Variants in SLCO3A1 observed in about 807,000 individuals in gnomAD.
SLCO3A1 encodes solute carrier organic anion transporter family member 3A1, also known as PGE1 transporter.
SLCO3A1 carries 27 observed loss-of-function variants against 63.1 expected under a neutral mutation model. The observed-to-expected ratio is 0.43, with a 90% CI of 0.32 to 0.59. The LOEUF is 0.59. SLCO3A1 is among the 20% of genes least tolerant of loss of function. The probability of loss-of-function intolerance (pLI) is 0.09; values close to 1 mark genes in which losing one functional copy is unlikely to be tolerated. For synonymous variants in SLCO3A1, 473 were observed against 409.9 expected (o/e 1.15, Z -1.86); for missense variants, 773 against 945.8 (o/e 0.82, Z 2.40).
intron 2 of SLCO3A1, among the ~76,000 whole-genome samples, chr15:92,038,538 C>G (rs2151485466): frequency 6.6e-6 from 1 of 152,174 alleles, no homozygotes; most frequent in Middle Eastern, 3.4e-3. Flanking sequence ...AGGGATACAG[C>G]TAACAAGGGA....
chr15:91,906,963 T>C (rs1447495951), intron 1 of SLCO3A1, among the ~76,000 whole-genome samples: 2 of 152,020 alleles, frequency 1.3e-5, no homozygotes, highest in South Asian at 4.2e-4. Context: ...CATGAAATGT[T>C]ACATACCCTC....
In SLCO3A1 at chr15:92,020,205, T is replaced by TAC. The variant is rs890802092; in HGVS notation, c.647-74665_647-74664dup. Among the ~76,000 whole-genome samples the TAC allele has an allele frequency of 4.0e-5, 6 of 150,420 alleles. No homozygotes were observed. In the East Asian group the frequency reaches 5.8e-4, roughly 15 times the overall value. ...TATGCGATGTGTGCATGTGTATATA[T>TAC]ACACACACACACTATATATACACAC... is the stretch of plus-strand genomic sequence containing the variant. On this transcript the variant is annotated intron_variant, in intron 2 of 9. Transcript: ENST00000318445.
intron 2 of SLCO3A1, among the ~76,000 whole-genome samples, chr15:92,042,530 G>A (rs1296431630): frequency 6.6e-6 from 1 of 152,166 alleles, no homozygotes; most frequent in Non-Finnish European, 1.5e-5. Context: ...CGGGCACTGG[G>A]AAATGGCAGA....
intron 2 of SLCO3A1, among the ~76,000 whole-genome samples, chr15:91,970,023 C>T (rs972425029): frequency 2.6e-4 from 40 of 152,240 alleles, no homozygotes; most frequent in African/African-American, 9.6e-4. Context: ...TTTTTCCCCT[C>T]AGCGAAATGT....
chr15:92,086,120 T>A (rs570620850), intron 2 of SLCO3A1, among the ~76,000 whole-genome samples: 2 of 152,318 alleles, frequency 1.3e-5, no homozygotes, highest in South Asian at 4.1e-4. Flanking sequence ...GAATGTGCAG[T>A]CCGTCAGCAC....
At chr15:92,016,677 G>C (rs1223308194) in intron 2 of SLCO3A1, among the ~76,000 whole-genome samples, 2 of 152,192 alleles carry the variant, frequency 1.3e-5, no homozygotes, top group Non-Finnish European at 2.9e-5. Flanking sequence ...ATGGAGGAGA[G>C]AGAATGAATT....
chr15:92,118,476 T>C (rs1201380246), intron 4 of SLCO3A1, among the ~76,000 whole-genome samples: 1 of 152,264 alleles, frequency 6.6e-6, no homozygotes, highest in African/African-American at 2.4e-5. Context: ...AAATGGTAAA[T>C]TCTAAGTTTT....
chr15:92,054,904 A>G (rs1314300848), intron 2 of SLCO3A1, among the ~76,000 whole-genome samples: 6 of 152,166 alleles, frequency 3.9e-5, no homozygotes, highest in Non-Finnish European at 5.9e-5. Context: ...TAGTGCTGCA[A>G]TGAATATTCA....
chr15:91,922,356 G>A lies in SLCO3A1; in HGVS notation c.646+5898G>A, dbSNP rs530745708. Among the ~76,000 whole-genome samples, 10 of 152,280 alleles carry A rather than the reference G, an allele frequency of 6.6e-5. No homozygotes were observed. In the South Asian group the frequency reaches 1.9e-3, roughly 28 times the overall value. On this transcript the variant is annotated intron_variant, in intron 2 of 9. Coordinates refer to ENST00000318445, the MANE Select transcript of SLCO3A1 (RefSeq NM_013272.4). ...AAGTGCTCTAACTCAGGAGGCACAC[G>A]TATTAGACACAAAAATGTGTCACGT...
intron 4 of SLCO3A1, 23 bp from the exon 5 acceptor site, chr15:92,120,442 A>G: frequency 6.2e-7 from 1 of 1,612,030 alleles, no homozygotes; most frequent in South Asian, 1.1e-5. Context: ...GACCCTGACC[A>G]TCTGCCTTCT....
intron 2 of SLCO3A1, among the ~76,000 whole-genome samples, chr15:91,963,412 G>GA (rs55961800): frequency 0.13 from 7,755 of 58,246 alleles, 437 homozygotes; most frequent in Non-Finnish European, 0.18. Context: ...GGAGGGTGGG[G>GA]GGGGGGGGCG....
rs1597149213 is a variant in SLCO3A1, at chr15:91,950,156, A to C, written c.646+33698A>C. Among the ~76,000 whole-genome samples the C allele has an allele frequency of 2.0e-5, 3 of 152,366 alleles. No individual in the cohort carries two copies. The highest frequency in any genetic ancestry group is 2.1e-4 in the South Asian group (1 of 4,828). On this transcript the variant is annotated intron_variant, in intron 2 of 9. Coordinates refer to ENST00000318445, the MANE Select transcript of SLCO3A1 (RefSeq NM_013272.4). The surrounding 1 kb of genome is among the most constrained non-coding windows in gnomAD (Gnocchi z 4.4). ...CAGATTGAAGCTGCCCCTGGGGAAG[A>C]AAGTTGTAACAGGCAGAGGAAGCAG...
At chr15:92,049,162 A>ATAGTT (rs1392527263) in intron 2 of SLCO3A1, among the ~76,000 whole-genome samples, 1 of 152,122 alleles carries the variant, frequency 6.6e-6, no homozygotes, top group African/African-American at 2.4e-5. Flanking sequence ...GTACAGTTGG[A>ATAGTT]TAGTTTACAG....
chr15:92,089,615 C>A (rs1462899229), intron 2 of SLCO3A1, among the ~76,000 whole-genome samples: 1 of 152,120 alleles, frequency 6.6e-6, no homozygotes, highest in African/African-American at 2.4e-5. Context: ...GGTGGAAAGT[C>A]TTTCTAATAA....
At chr15:91,922,725 A>G (rs1469688670) in intron 2 of SLCO3A1, among the ~76,000 whole-genome samples, 1 of 152,238 alleles carries the variant, frequency 6.6e-6, no homozygotes, top group Non-Finnish European at 1.5e-5. Context: ...ATTGCTCATT[A>G]TATTCTTGCA....
At chr15:91,944,310 C>G (rs549091581) in intron 2 of SLCO3A1, among the ~76,000 whole-genome samples, 2 of 152,262 alleles carry the variant, frequency 1.3e-5, no homozygotes, top group South Asian at 4.1e-4. Flanking sequence ...ATGTGAGCCC[C>G]TTACAGATTC....
At chr15:91,986,561 A>G (rs1464356409) in intron 2 of SLCO3A1, among the ~76,000 whole-genome samples, 1 of 152,110 alleles carries the variant, frequency 6.6e-6, no homozygotes, top group African/African-American at 2.4e-5. Context: ...ATCAATGTGA[A>G]CATTACTAGT....
chr15:92,082,798 T>G (rs1463266715), intron 2 of SLCO3A1, among the ~76,000 whole-genome samples: 1 of 152,194 alleles, frequency 6.6e-6, no homozygotes, highest in Middle Eastern at 3.2e-3. Context: ...CCTTGGCTGA[T>G]TCTCACGCCT....
chr15:91,991,528 A>G (rs2046125966), intron 2 of SLCO3A1, among the ~76,000 whole-genome samples: 1 of 152,250 alleles, frequency 6.6e-6, no homozygotes, highest in East Asian at 1.9e-4. Flanking sequence ...AGTGCCATCC[A>G]GTAGACATAC....
Sources: gnomAD v4.1 joint callset for allele counts (sites outside exome capture counted in the v4.1 genomes callset) on GRCh38, gnomAD v4.1.1 for gene constraint, Gnocchi (gnomAD v3.1) non-coding constraint, MANE v1.5 for transcripts, NCBI Gene and HGNC (gene_info 2026-07-23, HGNC 2026-07-21) for gene names.